Variants in PDE1C observed in about 807,000 individuals in gnomAD.
PDE1C encodes the protein phosphodiesterase 1C.
In PDE1C, 62 loss-of-function variants were observed where a neutral mutation model predicts 93.1. The observed-to-expected ratio is 0.67, with a 90% confidence interval of 0.54 to 0.82. The LOEUF (loss-of-function observed/expected upper bound fraction) is 0.82. PDE1C is among the 40% of genes least tolerant of loss of function. PDE1C has a pLI of 0.00. For synonymous variants in PDE1C, 325 were observed against 310.1 expected (o/e 1.05, Z -0.50); for missense variants, 742 against 884.6 (o/e 0.84, Z 2.04).
chr7:32,212,684 C>A (rs1250666465), intron 1 of PDE1C, among the ~76,000 whole-genome samples: 1 of 152,160 alleles, frequency 6.6e-6, no homozygotes, highest in African/African-American at 2.4e-5. Flanking sequence ...TGGTGTACTC[C>A]TCCCTCATCT....
intron 1 of PDE1C, among the ~76,000 whole-genome samples, chr7:32,385,508 T>C (rs1784606667): frequency 2.6e-5 from 4 of 152,134 alleles, no homozygotes. Context: ...CCAAGGTCCC[T>C]CACAAGCAAG....
chr7:32,400,101 C>T (rs1183741925), intron 1 of PDE1C, among the ~76,000 whole-genome samples: 1 of 152,152 alleles, frequency 6.6e-6, no homozygotes, highest in Non-Finnish European at 1.5e-5. Context: ...TTCATTGTTC[C>T]TTCCTCTGAG....
chr7:32,407,586 C>A (rs1785081085), intron 1 of PDE1C, among the ~76,000 whole-genome samples: 6 of 152,080 alleles, frequency 3.9e-5, no homozygotes, highest in Admixed American at 3.9e-4. Flanking sequence ...GAGAGGGGTA[C>A]ATGTGAGAAT....
rs115034468 is a variant in PDE1C, at chr7:32,385,308, G to T, written c.310+42514C>A. Among the ~76,000 whole-genome samples, 526 of 152,338 alleles carry T rather than the reference G, an allele frequency of 3.5e-3. 4 individuals carry two copies. Among genetic ancestry groups the T allele is most frequent in the African/African-American group, 0.012 (495 of 41,584 alleles). On this transcript the variant is annotated intron_variant, in intron 1 of 1. Transcript: ENST00000672256. The stretch of plus-strand genomic sequence containing the variant: ...TTTCAGAAGAGAGTTCTATATTAGA[G>T]ACATATCTGGGAGCCTTAGGCAGGA...
At chr7:31,878,768 C>G (rs972975917) in intron 4 of PDE1C, among the ~76,000 whole-genome samples, 4 of 152,156 alleles carry the variant, frequency 2.6e-5, no homozygotes, top group East Asian at 1.9e-4. Flanking sequence ...TAAATCTTCT[C>G]TGGTAAACAA....
chr7:31,945,826 G>T (rs1806531732), intron 2 of PDE1C, among the ~76,000 whole-genome samples: 3 of 152,002 alleles, frequency 2.0e-5, no homozygotes, highest in Admixed American at 2.0e-4. Context: ...TTTTGAAATA[G>T]TCTCACAGTT....
At chr7:31,864,511 T>C (rs1795047152) in intron 7 of PDE1C, among the ~76,000 whole-genome samples, 1 of 152,196 alleles carries the variant, frequency 6.6e-6, no homozygotes, top group Non-Finnish European at 1.5e-5. Flanking sequence ...ATAACTATAG[T>C]CCCTGTGAAA....
intron 1 of PDE1C, among the ~76,000 whole-genome samples, chr7:32,338,715 A>G (rs879368124): frequency 4.6e-5 from 7 of 152,270 alleles, no homozygotes; most frequent in African/African-American, 1.7e-4. Context: ...ACAAAAACCA[A>G]AGAGAAGGCC....
chr7:32,026,153 G>A (rs1789404928), intron 2 of PDE1C, among the ~76,000 whole-genome samples: 1 of 152,024 alleles, frequency 6.6e-6, no homozygotes, highest in African/African-American at 2.4e-5. Context: ...ACCACCAAAT[G>A]GAACAAAGGC....
At chr7:32,357,534 G>A (rs959372941) in intron 1 of PDE1C, among the ~76,000 whole-genome samples, 23 of 152,158 alleles carry the variant, frequency 1.5e-4, no homozygotes, top group African/African-American at 5.3e-4. Flanking sequence ...GACTTTGGAG[G>A]AACTAAAATG....
intron 1 of PDE1C, among the ~76,000 whole-genome samples, chr7:32,348,348 C>G (rs1050167198): frequency 4.5e-5 from 6 of 132,594 alleles, no homozygotes; most frequent in African/African-American, 1.6e-4. Context: ...AAATAAAAAA[C>G]AAATGTGCTT....
intron 2 of PDE1C, among the ~76,000 whole-genome samples, chr7:31,931,228 G>A (rs1352100337): frequency 6.6e-6 from 1 of 152,124 alleles, no homozygotes; most frequent in Non-Finnish European, 1.5e-5. Context: ...GTATTGGAAG[G>A]TCTGGTCAGG....
Position 32,181,264 on chromosome 7 carries a change from C to T in PDE1C, c.137-11308G>A, listed in dbSNP as rs950365006. The stretch of plus-strand genomic sequence containing the variant: ...CGAGACAGAAAGTTAACAAGGATAT[C>T]CAGGAACTGAACTCATCTCTGCACC... On this transcript the variant is annotated intron_variant, in intron 2 of 18. Coordinates refer to the PDE1C transcript ENST00000396193. Among the ~76,000 whole-genome samples the T allele has an allele frequency of 2.0e-5, 3 of 152,214 alleles. No individual in the cohort carries two copies. In the South Asian group the frequency reaches 6.2e-4, roughly 32 times the overall value.
chr7:31,990,241 G>C (rs1046131303), intron 2 of PDE1C, among the ~76,000 whole-genome samples: 1 of 152,178 alleles, frequency 6.6e-6, no homozygotes, highest in Non-Finnish European at 1.5e-5. Context: ...GAATCATGGG[G>C]ACGGGTCTTT....
intron 1 of PDE1C, among the ~76,000 whole-genome samples, chr7:32,212,679 T>C (rs886374123): frequency 2.0e-5 from 3 of 152,194 alleles, no homozygotes; most frequent in African/African-American, 7.2e-5. Context: ...AGCCTTGGTG[T>C]ACTCCTCCCT....
intron 2 of PDE1C, among the ~76,000 whole-genome samples, chr7:32,036,450 A>G (rs1791101414): frequency 6.6e-6 from 1 of 152,216 alleles, no homozygotes; most frequent in African/African-American, 2.4e-5. Flanking sequence ...AACCCAAAGT[A>G]AGTAGAAGAA....
chr7:32,330,675 G>A (rs1424185393), intron 1 of PDE1C, among the ~76,000 whole-genome samples: 3 of 152,126 alleles, frequency 2.0e-5, no homozygotes, highest in Non-Finnish European at 4.4e-5. Flanking sequence ...GCTGGCCAAG[G>A]CCTGTTCCCG....
intron 9 of PDE1C, among the ~76,000 whole-genome samples, chr7:31,846,218 CTTTTCTTTTT>C (rs1359560058): frequency 6.7e-5 from 10 of 148,280 alleles, no homozygotes; most frequent in African/African-American, 1.5e-4. Context: ...CATACTTTTA[CTTTTCTTTTT>C]TTTTCTTTTT....
the PDE1C span, among the ~76,000 whole-genome samples, chr7:31,674,084 A>C: frequency 3.9e-5 from 6 of 152,298 alleles, no homozygotes; most frequent in African/African-American, 1.4e-4. Context: ...AAATGCATAC[A>C]CCTGTGCAAC....
Sources: allele counts gnomAD v4.1 joint callset (sites outside exome capture counted in the v4.1 genomes callset), GRCh38; gene constraint gnomAD v4.1.1; transcripts MANE v1.5; gene names NCBI Gene and HGNC (gene_info 2026-07-23, HGNC 2026-07-21).